The following ARMC2 variants were observed in gnomAD, a reference collection of about 807,000 sequenced individuals.
The protein encoded by ARMC2 is armadillo repeat-containing protein 2.
In ARMC2, 67 loss-of-function variants were observed where a neutral mutation model predicts 90.3. The ratio of observed to expected loss-of-function variants is 0.74; its 90% CI spans 0.61 to 0.91. The LOEUF (loss-of-function observed/expected upper bound fraction) is 0.91, where lower values mean the gene tolerates loss of function less well. Ranked by LOEUF, ARMC2 falls within the 40% of genes least tolerant of loss-of-function variation. ARMC2 has a pLI of 0.00. For synonymous variants in ARMC2, 393 were observed against 393.0 expected (o/e 1.00, Z 0.00); for missense variants, 920 against 1,030.9 (o/e 0.89, Z 1.47).
chr6:108,972,060 T>C (rs1583242973), intron 17 of ARMC2, among the ~76,000 whole-genome samples: 1 of 152,232 alleles, frequency 6.6e-6, no homozygotes, highest in South Asian at 2.1e-4. Context: ...GGCAGGTCAG[T>C]GCACTTTTCT....
intron 12 of ARMC2, among the ~76,000 whole-genome samples, chr6:108,943,048 C>T (rs1035360178): frequency 3.9e-5 from 6 of 152,166 alleles, no homozygotes; most frequent in Non-Finnish European, 7.3e-5. Flanking sequence ...GGGGGAAATC[C>T]TGTTTTGAAC....
chr6:108,960,527 A>G lies in ARMC2; in HGVS notation c.1916-1045A>G, dbSNP rs74770553. Among the ~76,000 whole-genome samples the G allele has an allele frequency of 6.6e-3, 1,004 of 152,370 alleles. 10 individuals carry two copies. The highest frequency in any genetic ancestry group is 0.023 in the African/African-American group (959 of 41,586). ...TGTTCTAGAAGCTGGGAATGCAGCC[A>G]TGAAGAAAACAGACACATCCCTAGG... On this transcript the variant is annotated intron_variant, in intron 13 of 17. Coordinates refer to ENST00000392644, the MANE Select transcript of ARMC2 (RefSeq NM_032131.6).
the ARMC2 span, among the ~76,000 whole-genome samples, chr6:109,030,556 T>C: frequency 8.7e-4 from 132 of 152,164 alleles, 3 homozygotes; most frequent in East Asian, 0.021. Context: ...GGGGTGGGAA[T>C]AGGTGAAAAA....
At chr6:108,911,769 A>G (rs1485461349) in intron 9 of ARMC2, among the ~76,000 whole-genome samples, 2 of 152,186 alleles carry the variant, frequency 1.3e-5, no homozygotes, top group Admixed American at 1.3e-4. Flanking sequence ...AATGTGAGAT[A>G]TGCATTATTA....
rs908027694 is a variant in ARMC2, at chr6:108,867,610, CA to C, written c.292-1203del. On this transcript the variant is annotated intron_variant, in intron 3 of 17. Coordinates refer to ENST00000392644, the MANE Select transcript of ARMC2 (RefSeq NM_032131.6). ...GGTGAAACCCTGTCTCTACTAAATA[CA>C]AAAAAAAAAATTAGCCAAGTGTGCT... Among the ~76,000 whole-genome samples the C allele has an allele frequency of 4.7e-3, 686 of 145,830 alleles. 2 individuals are homozygous for C. The highest frequency in any genetic ancestry group is 0.015 in the African/African-American group (582 of 40,034).
the ARMC2 span, among the ~76,000 whole-genome samples, chr6:109,048,208 C>T: frequency 6.6e-6 from 1 of 151,986 alleles, no homozygotes; most frequent in Non-Finnish European, 1.5e-5. Flanking sequence ...TTTTGTCTTC[C>T]AAGATCACAA....
chr6:108,908,093 A>G (rs901006841), intron 8 of ARMC2, among the ~76,000 whole-genome samples: 7 of 152,084 alleles, frequency 4.6e-5, no homozygotes, highest in Non-Finnish European at 8.8e-5. Flanking sequence ...GTGCACATGC[A>G]TCCCCTGGGG....
chr6:108,984,541 C>T, the ARMC2 span, among the ~76,000 whole-genome samples: 2 of 152,134 alleles, frequency 1.3e-5, no homozygotes, highest in African/African-American at 4.8e-5. Context: ...TTTTTAATAT[C>T]ACCACATTGA....
chr6:109,003,961 C>T, the ARMC2 span, among the ~76,000 whole-genome samples: 8 of 152,054 alleles, frequency 5.3e-5, no homozygotes, highest in Non-Finnish European at 1.0e-4. Flanking sequence ...AGGAAAATGC[C>T]TGTTTCAAGG....
At chr6:108,907,598 G>T in intron 8 of ARMC2, 1 of 1,549,424 alleles carries the variant, frequency 6.5e-7, no homozygotes, top group Non-Finnish European at 8.9e-7. Context: ...GGGGTGCAGA[G>T]CGTGTCCTCT....
At chr6:109,022,449 A>G in the ARMC2 span, among the ~76,000 whole-genome samples, 1 of 101,486 alleles carries the variant, frequency 9.9e-6, no homozygotes, top group Non-Finnish European at 1.8e-5. Context: ...TTGAGATGGA[A>G]TCTCATTCTG....
intron 1 of ARMC2, among the ~76,000 whole-genome samples, chr6:108,849,193 C>T (rs572529809): frequency 6.6e-6 from 1 of 152,176 alleles, no homozygotes; most frequent in Admixed American, 6.5e-5. Flanking sequence ...TGATCCATTC[C>T]CACAAGTAAC....
At chr6:109,048,861 T>A in the ARMC2 span, among the ~76,000 whole-genome samples, 4 of 152,218 alleles carry the variant, frequency 2.6e-5, no homozygotes, top group African/African-American at 9.7e-5. Flanking sequence ...TATCACAGGC[T>A]GTAATCCTAC....
chr6:108,882,787 G>T (rs1304075952), intron 5 of ARMC2, among the ~76,000 whole-genome samples: 1 of 138,588 alleles, frequency 7.2e-6, no homozygotes, highest in Non-Finnish European at 1.7e-5. Flanking sequence ...ACTGTGAATT[G>T]TCAGACACTT....
At chr6:108,917,925 C>T (rs543278335) in intron 10 of ARMC2, among the ~76,000 whole-genome samples, 1 of 152,312 alleles carries the variant, frequency 6.6e-6, no homozygotes, top group South Asian at 2.1e-4. Flanking sequence ...AAGTGATCCA[C>T]CCACCTCAGC....
chr6:109,005,636 T>C, the ARMC2 span, among the ~76,000 whole-genome samples: 7 of 152,214 alleles, frequency 4.6e-5, no homozygotes, highest in Non-Finnish European at 8.8e-5. Flanking sequence ...GCAAGGGTTC[T>C]ATGTAATTCT....
intron 5 of ARMC2, among the ~76,000 whole-genome samples, chr6:108,880,457 C>T (rs1777413241): frequency 6.6e-6 from 1 of 152,186 alleles, no homozygotes; most frequent in African/African-American, 2.4e-5. Context: ...TCCAGGTTCA[C>T]AAACTATAAA....
the ARMC2 span, chr6:109,009,306 G>C: frequency 7.0e-7 from 1 of 1,422,206 alleles, no homozygotes; most frequent in South Asian, 1.4e-5. Context: ...AGCTCGGCCG[G>C]GTGCCCACCC....
At chr6:109,002,032 C>A in the ARMC2 span, among the ~76,000 whole-genome samples, 1 of 152,090 alleles carries the variant, frequency 6.6e-6, no homozygotes, top group African/African-American at 2.4e-5. Flanking sequence ...TATCACTGGT[C>A]AAAAACAAAT....
Sources: allele counts gnomAD v4.1 joint callset (sites outside exome capture counted in the v4.1 genomes callset), GRCh38; gene constraint gnomAD v4.1.1; transcripts MANE v1.5; gene names NCBI Gene and HGNC (gene_info 2026-07-23, HGNC 2026-07-21).